The following DNAH14 variants were observed in gnomAD, a reference collection of about 807,000 sequenced individuals.
The protein encoded by DNAH14 is axonemal beta dynein heavy chain 14.
In DNAH14, 478 loss-of-function variants were observed where a neutral mutation model predicts 520.9. The ratio of observed to expected loss-of-function variants is 0.92; its 90% confidence interval spans 0.85 to 0.99. The LOEUF (loss-of-function observed/expected upper bound fraction) is 0.99. Ranked by LOEUF, DNAH14 falls within the 50% of genes least tolerant of loss-of-function variation. DNAH14 has a pLI of 0.00. For synonymous variants in DNAH14, 1,581 were observed against 1,757.2 expected, an observed-to-expected ratio of 0.90 and a Z score of 2.51; for missense variants, 4,831 against 5,234.5, an observed-to-expected ratio of 0.92 and a Z score of 2.38.
Position 225,345,955 on chromosome 1 carries a change from T to C in DNAH14, c.10679-7T>C. ...TTTATTTAACTTCACTTTTTGTTTGTCTTTAGGATCCATATTAGATGATGA... is the reference window on the plus strand; with the variant it reads ...TTTATTTAACTTCACTTTTTGTTTGCCTTTAGGATCCATATTAGATGATGA... On this transcript the variant is annotated splice_polypyrimidine_tract_variant and splice_region_variant and intron_variant, in intron 69 of 85. Coordinates refer to ENST00000682510, the MANE Select transcript of DNAH14 (RefSeq NM_001367479.1). 1 of 1,537,218 alleles carries C rather than the reference T, an allele frequency of 6.5e-7. No homozygotes were observed. The highest frequency in any genetic ancestry group is 8.8e-7 in the Non-Finnish European group (1 of 1,140,322).
chr1:225,289,027 A>G (rs1336473017), intron 54 of DNAH14, among the ~76,000 whole-genome samples: 2 of 152,312 alleles, frequency 1.3e-5, no homozygotes, highest in East Asian at 1.9e-4. Flanking sequence ...TCATAGCAGC[A>G]TTATTCATAA....
In DNAH14 at chr1:225,394,042, G is replaced by A. The variant is rs554723670; in HGVS notation, c.13491+1591G>A. 1.1e-4 allele frequency among the ~76,000 whole-genome samples: 17 copies of A among 152,068 alleles called. No homozygotes were observed. The East Asian group carries it at 2.9e-3, about 26-fold the overall frequency. On this transcript the variant is annotated intron_variant, in intron 84 of 85. Coordinates refer to ENST00000682510, the MANE Select transcript of DNAH14 (RefSeq NM_001367479.1). The stretch of plus-strand genomic sequence containing the variant: ...TCACCATGTTAGCCAGGATGGTCTC[G>A]ATCTTCTGACCTCGTGATCCCCCTG...
intron 34 of DNAH14, 96 bp downstream of exon 34, chr1:225,153,922 G>A: frequency 2.2e-6 from 2 of 889,350 alleles, no homozygotes; most frequent in Non-Finnish European, 3.4e-6. Context: ...GTTAAAACAG[G>A]GAGCCCCGCA....
intron 43 of DNAH14, among the ~76,000 whole-genome samples, chr1:225,250,104 G>A (rs1019438914): frequency 1.3e-5 from 2 of 152,208 alleles, no homozygotes; most frequent in Non-Finnish European, 2.9e-5. Context: ...GGCAAGAATT[G>A]CTGGGTCATA....
At chr1:225,210,185 G>GTTT (rs2088182489) in intron 41 of DNAH14, among the ~76,000 whole-genome samples, 1 of 152,032 alleles carries the variant, frequency 6.6e-6, no homozygotes, top group Non-Finnish European at 1.5e-5. Flanking sequence ...TGGAAAGGAG[G>GTTT]CTGAAACCAG....
At chr1:225,170,568 ACTAT>A (rs1372851664) in intron 36 of DNAH14, among the ~76,000 whole-genome samples, 1 of 152,218 alleles carries the variant, frequency 6.6e-6, no homozygotes, top group Non-Finnish European at 1.5e-5. Context: ...AGAAGACCTA[ACTAT>A]CCTAAATATA....
chr1:225,213,001 G>A (rs1050726021), intron 41 of DNAH14, among the ~76,000 whole-genome samples: 2 of 152,054 alleles, frequency 1.3e-5, no homozygotes, highest in Non-Finnish European at 2.9e-5. Flanking sequence ...TGTCCTGAAT[G>A]GTATTGCCTA....
rs1468714806 is a variant in DNAH14, at chr1:225,367,927, AC to A, written c.12214del (p.Leu4072PhefsTer11). On this transcript the variant is annotated frameshift_variant, in exon 77 of 86. Transcript: ENST00000682510. LOFTEE classifies it high-confidence loss of function. ...NPDCGQWWKKLLFSLCFFNAV... is the reference protein window; with the variant it reads ...NPDCGQWWKKXLFSLCFFNAV... ...CTGACTGTGGACAATGGTGGAAAAA[AC>A]TTTTATTTAGCCTATGTTTTTTCAA... 36 of 1,551,540 alleles carry A rather than the reference AC, an allele frequency of 2.3e-5. No homozygotes were observed. Among genetic ancestry groups the A allele is most frequent in the Non-Finnish European group, 2.6e-5 (30 of 1,146,948 alleles).
chr1:225,236,041 A>G (rs900540325), intron 42 of DNAH14, among the ~76,000 whole-genome samples: 3 of 151,780 alleles, frequency 2.0e-5, no homozygotes, highest in African/African-American at 7.3e-5. Context: ...CCTTCAGTTC[A>G]GCTCTGATCT....
chr1:225,226,792 C>G (rs1013942365), intron 41 of DNAH14, among the ~76,000 whole-genome samples: 3 of 152,174 alleles, frequency 2.0e-5, no homozygotes, highest in Admixed American at 6.6e-5. Context: ...ATCATTATCT[C>G]TACTATTCTG....
intron 6 of DNAH14, 138 bp downstream of exon 6, chr1:224,967,721 T>G: frequency 6.4e-7 from 1 of 1,573,900 alleles, no homozygotes; most frequent in Admixed American, 1.9e-5. Context: ...TATAAGAATC[T>G]CCTTGGGAGC....
intron 10 of DNAH14, among the ~76,000 whole-genome samples, chr1:225,023,192 C>A (rs1055237547): frequency 6.6e-6 from 1 of 152,062 alleles, no homozygotes; most frequent in Non-Finnish European, 1.5e-5. Flanking sequence ...CTCAGCAATA[C>A]ACAATTTAAC....
At chr1:225,197,117 A>C (rs560912464) in intron 38 of DNAH14, among the ~76,000 whole-genome samples, 1 of 152,116 alleles carries the variant, frequency 6.6e-6, no homozygotes, top group East Asian at 1.9e-4. Flanking sequence ...TCCTTGCCTA[A>C]GCCAATGTCT....
intron 35 of DNAH14, among the ~76,000 whole-genome samples, chr1:225,162,428 G>T (rs2081607365): frequency 6.6e-6 from 1 of 152,046 alleles, no homozygotes; most frequent in Non-Finnish European, 1.5e-5. Context: ...CATTCTATTT[G>T]GGTTGCTATA....
intron 26 of DNAH14, 55 bp downstream of exon 26, chr1:225,119,349 T>TA (rs1243746549): frequency 1.7e-6 from 2 of 1,196,366 alleles, no homozygotes; most frequent in Non-Finnish European, 2.3e-6. Context: ...TACTTGCACA[T>TA]ATATATATAC....
chr1:225,044,863 T>TA (rs1572668876), intron 15 of DNAH14, among the ~76,000 whole-genome samples: 1 of 152,124 alleles, frequency 6.6e-6, no homozygotes, highest in Non-Finnish European at 1.5e-5. Context: ...ATTATACACT[T>TA]ACAGACATTC....
intron 1 of DNAH14, among the ~76,000 whole-genome samples, chr1:224,951,720 G>A (rs561239918): frequency 1.7e-4 from 24 of 140,046 alleles, no homozygotes; most frequent in African/African-American, 6.1e-4. Context: ...GCACAATCTC[G>A]GCTCACTGCA....
At chr1:225,019,090 T>C (rs912648952) in intron 10 of DNAH14, among the ~76,000 whole-genome samples, 4 of 152,158 alleles carry the variant, frequency 2.6e-5, no homozygotes, top group African/African-American at 9.7e-5. Context: ...TGAATGTAAA[T>C]GGGCTAAATG....
intron 12 of DNAH14, 90 bp downstream of exon 12, chr1:225,038,913 C>T (rs1385336234): frequency 8.4e-6 from 10 of 1,189,472 alleles, no homozygotes; most frequent in Non-Finnish European, 1.1e-5. Flanking sequence ...TGATTAATAC[C>T]CACAAGCCCT....
Sources: gnomAD v4.1 joint callset for allele counts (sites outside exome capture counted in the v4.1 genomes callset) on GRCh38, gnomAD v4.1.1 for gene constraint, MANE v1.5 for transcripts, NCBI Gene and HGNC (gene_info 2026-07-23, HGNC 2026-07-21) for gene names.